STK24: variants seen among roughly 807,000 people sequenced by gnomAD.
STK24 encodes serine/threonine kinase 24.
Under a neutral mutation model 55.6 loss-of-function variants are expected in STK24, and 21 were observed. The observed-to-expected ratio is 0.38, with a 90% CI of 0.27 to 0.54. The LOEUF (loss-of-function observed/expected upper bound fraction) is 0.54, where lower values mean the gene tolerates loss of function less well. Ranked by LOEUF, STK24 falls within the 20% of genes least tolerant of loss-of-function variation. The pLI is 0.79. For synonymous variants in STK24, 200 were observed against 215.2 expected (o/e 0.93, Z 0.62); for missense variants, 383 against 538.4 (o/e 0.71, Z 2.86).
chr13:98,448,413 A>AAAATC lies in STK24; in HGVS notation c.*4755_*4759dup. Reference sequence around the variant, plus strand: ...GCCTGGTAAAATTAACACCTGTCTGAAAATCAAAAACATGGCTTCCCAGCA... The same window carrying AAAATC: ...GCCTGGTAAAATTAACACCTGTCTGAAAATCAAATCAAAAACATGGCTTCCCAGCA... On this transcript the variant is annotated 3_prime_UTR_variant, in exon 11 of 11. Transcript: ENST00000539966. 1 of 1,017,374 alleles carries AAAATC rather than the reference A, an allele frequency of 9.8e-7. No homozygotes were observed. The highest frequency in any genetic ancestry group is 1.5e-6 in the Non-Finnish European group (1 of 648,490). 63.0% of individuals were successfully genotyped at this position (1,017,374 alleles called of 1,614,324 possible). A position where few individuals can be genotyped will look rare whatever the true frequency, so the allele number is the denominator to read the frequency against.
chr13:98,480,530 CTG>C (rs1894542225), intron 3 of STK24, among the ~76,000 whole-genome samples: 1 of 152,136 alleles, frequency 6.6e-6, no homozygotes, highest in Admixed American at 6.5e-5. Context: ...CACTACATTG[CTG>C]TTTTTCCCTT....
chr13:98,492,435 T>C (rs1895078477), intron 2 of STK24, among the ~76,000 whole-genome samples: 2 of 152,058 alleles, frequency 1.3e-5, no homozygotes, highest in Non-Finnish European at 2.9e-5. Flanking sequence ...TGGAAATGAG[T>C]ATGTGATGTA....
In STK24 at chr13:98,453,161, GC is replaced by G; in HGVS notation, c.*11del. The G allele has an allele frequency of 3.1e-6, 5 of 1,613,622 alleles. No homozygotes were observed. Among genetic ancestry groups the G allele is most frequent in the Non-Finnish European group, 4.2e-6 (5 of 1,179,814 alleles). On this transcript the variant is annotated 3_prime_UTR_variant, in exon 11 of 11. Transcript: ENST00000539966. ...AAAAAGGAAAAACAAAACCCCAAAT[GC>G]CAAAGGAATTTCAGTGGGATGAAGT...
intron 2 of STK24, among the ~76,000 whole-genome samples, chr13:98,484,920 G>C (rs1894749141): frequency 6.6e-6 from 1 of 152,152 alleles, no homozygotes; most frequent in Non-Finnish European, 1.5e-5. Flanking sequence ...TGGGTGGCAA[G>C]GCTACCCAGA....
In STK24 at chr13:98,453,664, G is replaced by A. The variant is rs192842742; in HGVS notation, c.1260-455C>T. On this transcript the variant is annotated intron_variant, in intron 10 of 10. Transcript: ENST00000539966. ...AACTGCTTCCGAAATATGGTCCAAA[G>A]CAGGAACAACGTGTCTGCACAAAGA... is the stretch of plus-strand genomic sequence containing the variant. 3.2e-5 allele frequency: 5 copies of A among 154,796 alleles called. No homozygotes were observed. The East Asian group carries it at 9.5e-4, about 29-fold the overall frequency. The allele number at this position is 154,796 out of a possible 1,614,324, so 9.6% of individuals were successfully genotyped here.
chr13:98,450,354 T>G lies in STK24; in HGVS notation c.*2819A>C, dbSNP rs1482525758. On this transcript the variant is annotated 3_prime_UTR_variant, in exon 11 of 11. Transcript: ENST00000539966. Reference sequence around the variant, plus strand: ...GGAAATATAAAAAATGTTTATAAACTGACAGTGTTTTGCCAGAGGAAAGGT... The same window carrying G: ...GGAAATATAAAAAATGTTTATAAACGGACAGTGTTTTGCCAGAGGAAAGGT... 1 of 152,192 alleles carries G rather than the reference T, an allele frequency of 6.6e-6. No homozygotes were observed. The highest frequency in any genetic ancestry group is 6.5e-5 in the Admixed American group (1 of 15,282). The allele number at this position is 152,192 out of a possible 1,614,324, so 9.4% of individuals were successfully genotyped here.
intron 2 of STK24, among the ~76,000 whole-genome samples, chr13:98,489,622 G>A (rs1594604787): frequency 1.3e-5 from 2 of 152,314 alleles, no homozygotes; most frequent in African/African-American, 2.4e-5. Flanking sequence ...GGTTGCTCAC[G>A]AAGGTCCGTC....
chr13:98,461,832 T>C lies in STK24; in HGVS notation c.995A>G (p.Lys332Arg). The change falls in exon 8 of 11, where the codon AAA (lysine) becomes AGA (arginine). Residue 332 changes from lysine to arginine, a missense_variant. Coordinates refer to ENST00000539966, the MANE Select transcript of STK24 (RefSeq NM_001032296.4). ...TCCATTCTCGAGATTCTTGGGATCT[T>C]TTTCTCGGATTGTGAAGATCCAGTC... ...SGDWIFTIRE[K>R]DPKNLENGAL... 1 of 1,614,108 alleles carries C rather than the reference T, an allele frequency of 6.2e-7. No individual in the cohort carries two copies. The highest frequency in any genetic ancestry group is 8.5e-7 in the Non-Finnish European group (1 of 1,179,998).
At position 98,495,768 on chromosome 13, in the gene STK24, T is replaced by C. The variant is rs138103522; in HGVS notation, c.274-13447A>G. ...CCTACAATTTTTACCCCATAATTGATTGCGAAATGAAATGTACGCCCTTGT... is the reference window on the plus strand; with the variant it reads ...CCTACAATTTTTACCCCATAATTGACTGCGAAATGAAATGTACGCCCTTGT... On this transcript the variant is annotated intron_variant, in intron 2 of 10. Coordinates refer to ENST00000539966, the MANE Select transcript of STK24 (RefSeq NM_001032296.4). 3.1e-3 allele frequency among the ~76,000 whole-genome samples: 465 copies of C among 152,346 alleles called. 2 individuals are homozygous for C. Among genetic ancestry groups the C allele is most frequent in the African/African-American group, 0.01 (426 of 41,580 alleles).
rs1226814544 is a variant in STK24, at chr13:98,566,400, A to G, written c.42+10345T>C. The stretch of plus-strand genomic sequence containing the variant: ...GAATCTGACACGCCAGGGAGCAGGC[A>G]GTCGGGAGGAAGGAAAAGAACACAC... On this transcript the variant is annotated intron_variant, in intron 1 of 10. Coordinates refer to ENST00000539966, the MANE Select transcript of STK24 (RefSeq NM_001032296.4). Among the ~76,000 whole-genome samples, 11 of 152,326 alleles carry G rather than the reference A, an allele frequency of 7.2e-5. No homozygotes were observed. The East Asian group carries it at 2.1e-3, about 29-fold the overall frequency.
chr13:98,493,154 G>A (rs1182274971), intron 2 of STK24, among the ~76,000 whole-genome samples: 1 of 152,164 alleles, frequency 6.6e-6, no homozygotes, highest in South Asian at 2.1e-4. Context: ...AAACTGGAAA[G>A]AACACTGGGC....
intron 1 of STK24, among the ~76,000 whole-genome samples, chr13:98,555,014 CAAAAAAAAAA>C (rs398024117): frequency 2.3e-5 from 2 of 88,334 alleles, no homozygotes; most frequent in South Asian, 7.7e-4. Flanking sequence ...GACTCCAACT[CAAAAAAAAAA>C]AAAAAAAAAA....
At chr13:98,540,340 T>A (rs1896854414) in intron 1 of STK24, among the ~76,000 whole-genome samples, 1 of 152,170 alleles carries the variant, frequency 6.6e-6, no homozygotes, top group African/African-American at 2.4e-5. Context: ...TGAAATGAAT[T>A]TTATGGTATG....
intron 1 of STK24, among the ~76,000 whole-genome samples, chr13:98,538,519 C>T (rs1594652285): frequency 6.6e-6 from 1 of 152,110 alleles, no homozygotes; most frequent in East Asian, 1.9e-4. Flanking sequence ...GCCACCGCGG[C>T]TTGGTGCCTA....
At chr13:98,463,964 C>T (rs558952812) in intron 6 of STK24, 128 bp from the exon 7 acceptor site, 31 of 1,095,252 alleles carry the variant, frequency 2.8e-5, no homozygotes, top group African/African-American at 1.3e-4. Context: ...TACTCCACAG[C>T]GCTTCTCACT....
intron 1 of STK24, among the ~76,000 whole-genome samples, chr13:98,544,666 C>T (rs559690033): frequency 6.6e-6 from 1 of 152,242 alleles, no homozygotes; most frequent in East Asian, 1.9e-4. Context: ...CCGAGGCATG[C>T]GGAGACGCCT....
intron 1 of STK24, among the ~76,000 whole-genome samples, chr13:98,574,507 T>C (rs1283382805): frequency 2.0e-5 from 3 of 152,176 alleles, no homozygotes; most frequent in African/African-American, 7.2e-5. Flanking sequence ...TAATTTGAAG[T>C]AGAAAATAAA....
chr13:98,469,712 T>G (rs1894071305), intron 5 of STK24, among the ~76,000 whole-genome samples: 2 of 152,060 alleles, frequency 1.3e-5, no homozygotes, highest in Admixed American at 1.3e-4. Flanking sequence ...CTACCCCTCC[T>G]AACTTTGGAT....
intron 2 of STK24, among the ~76,000 whole-genome samples, chr13:98,498,399 C>G (rs559428941): frequency 2.6e-5 from 4 of 152,218 alleles, no homozygotes; most frequent in Non-Finnish European, 4.4e-5. Flanking sequence ...AGTCTCTCCT[C>G]CTACAGTCAC....
Sources: gnomAD v4.1 joint callset for allele counts (sites outside exome capture counted in the v4.1 genomes callset) on GRCh38, gnomAD v4.1.1 for gene constraint, MANE v1.5 for transcripts, NCBI Gene and HGNC (gene_info 2026-07-23, HGNC 2026-07-21) for gene names.